The following PALM2AKAP2 variants were observed in gnomAD, a reference collection of about 807,000 sequenced individuals.
PALM2AKAP2 encodes the protein PALM2-AKAP2 fusion protein.
A neutral mutation model predicts 71.5 loss-of-function variants in PALM2AKAP2; 37 were observed. The ratio of observed to expected loss-of-function variants is 0.52; its 90% confidence interval spans 0.40 to 0.68. The LOEUF (loss-of-function observed/expected upper bound fraction) is 0.68. Ranked by LOEUF, PALM2AKAP2 falls within the 30% of genes least tolerant of loss-of-function variation. The pLI is 0.00. For synonymous variants in PALM2AKAP2, 468 were observed against 478.8 expected, an observed-to-expected ratio of 0.98 and a Z score of 0.29; for missense variants, 1,224 against 1,191.8, an observed-to-expected ratio of 1.03 and a Z score of -0.40.
chr9:109,784,636 G>C (rs1312759502), intron 1 of PALM2AKAP2, among the ~76,000 whole-genome samples: 1 of 152,246 alleles, frequency 6.6e-6, no homozygotes, highest in Non-Finnish European at 1.5e-5. Context: ...AGGCACTACA[G>C]TATTACTCAT....
intron 6 of PALM2AKAP2, among the ~76,000 whole-genome samples, chr9:109,999,731 G>A (rs78964651): frequency 0.018 from 2,818 of 152,346 alleles, 98 homozygotes; most frequent in African/African-American, 0.065. Context: ...ACACATGTCA[G>A]GGCTCTCCCT....
At chr9:109,983,434 A>C (rs1480970691) in intron 6 of PALM2AKAP2, among the ~76,000 whole-genome samples, 6 of 143,206 alleles carry the variant, frequency 4.2e-5, no homozygotes, top group Admixed American at 6.9e-5. Flanking sequence ...TTCTCACCCC[A>C]CTCCTCCTTT....
chr9:110,170,247 T>C (rs1447964584), exon 4 of PALM2AKAP2: 18 of 152,616 alleles, frequency 1.2e-4, no homozygotes, highest in Admixed American at 1.2e-3. Context: ...TTTTCCTTTG[T>C]TTTAAAACTG....
intron 1 of PALM2AKAP2, among the ~76,000 whole-genome samples, chr9:109,690,589 T>A (rs1827867746): frequency 6.6e-6 from 1 of 152,352 alleles, no homozygotes; most frequent in Non-Finnish European, 1.5e-5. Context: ...AGATATGCAA[T>A]TGTAATTGAT....
At chr9:109,860,017 C>G (rs993732905) in intron 1 of PALM2AKAP2, among the ~76,000 whole-genome samples, 5 of 152,178 alleles carry the variant, frequency 3.3e-5, no homozygotes, top group African/African-American at 1.2e-4. Flanking sequence ...ACATAGGAAG[C>G]CTGAATAGAA....
At chr9:109,816,091 G>C (rs1827844326) in intron 1 of PALM2AKAP2, among the ~76,000 whole-genome samples, 2 of 152,176 alleles carry the variant, frequency 1.3e-5, no homozygotes, top group African/African-American at 4.8e-5. Context: ...AGTTGACAAG[G>C]AACATGTACA....
chr9:110,013,371 T>C (rs1317253173), intron 6 of PALM2AKAP2, among the ~76,000 whole-genome samples: 3 of 152,212 alleles, frequency 2.0e-5, no homozygotes, highest in African/African-American at 7.2e-5. Context: ...ATCATCTGAT[T>C]GTCCATCATG....
Position 109,836,284 on chromosome 9 carries a change from T to C in PALM2AKAP2, c.46-31207T>C, listed in dbSNP as rs566308187. Among the ~76,000 whole-genome samples the C allele has an allele frequency of 6.6e-5, 10 of 152,322 alleles. No individual in the cohort carries two copies. In the East Asian group the frequency reaches 1.7e-3, roughly 26 times the overall value. The stretch of plus-strand genomic sequence containing the variant: ...AGGCAAACAGGGTCTGGAATGGACC[T>C]CCAGCAAACTCCAACAGACCTGCAG... On this transcript the variant is annotated intron_variant, in intron 1 of 9. Coordinates refer to the PALM2AKAP2 transcript ENST00000302798.
chr9:110,002,219 C>G lies in PALM2AKAP2; in HGVS notation c.497-13735C>G, dbSNP rs11562323. Among the ~76,000 whole-genome samples, 581 of 151,800 alleles carry G rather than the reference C, an allele frequency of 3.8e-3. 7 individuals are homozygous for G. The highest frequency in any genetic ancestry group is 0.024 in the East Asian group (126 of 5,188). ...TACCCAATTTATTGAGAGTTTTTAG[C>G]ATGAAGGTTGTTGAATTTTGTCAAA... is the stretch of plus-strand genomic sequence containing the variant. On this transcript the variant is annotated intron_variant, in intron 6 of 9. Coordinates refer to the PALM2AKAP2 transcript ENST00000302798.
chr9:109,650,907 TTA>T (rs1827216038), intron 1 of PALM2AKAP2, among the ~76,000 whole-genome samples: 1 of 152,240 alleles, frequency 6.6e-6, no homozygotes, highest in Non-Finnish European at 1.5e-5. Context: ...TCTGTTGTTA[TTA>T]TATATCTTTA....
intron 1 of PALM2AKAP2, among the ~76,000 whole-genome samples, chr9:109,767,436 C>G (rs1340437913): frequency 1.3e-5 from 2 of 152,234 alleles, no homozygotes; most frequent in Non-Finnish European, 2.9e-5. Context: ...CCATCTACCC[C>G]TACCACACCA....
intron 1 of PALM2AKAP2, chr9:109,866,954 T>C (rs1169126354): frequency 9.0e-6 from 4 of 446,230 alleles, no homozygotes; most frequent in African/African-American, 2.0e-5. Flanking sequence ...TTCATTTGCA[T>C]TGTTTGGTAT....
At chr9:109,745,170 G>A (rs1204141277) in intron 1 of PALM2AKAP2, among the ~76,000 whole-genome samples, 3 of 152,214 alleles carry the variant, frequency 2.0e-5, no homozygotes, top group East Asian at 3.9e-4. Flanking sequence ...CATGACCAGC[G>A]ATAGGTATGG....
intron 2 of PALM2AKAP2, among the ~76,000 whole-genome samples, chr9:109,871,707 G>A (rs1409370992): frequency 2.0e-5 from 3 of 152,070 alleles, no homozygotes; most frequent in East Asian, 1.9e-4. Flanking sequence ...ATTAACATTA[G>A]CATTGGAATA....
At chr9:109,678,466 C>T (rs1484327442) in intron 1 of PALM2AKAP2, among the ~76,000 whole-genome samples, 1 of 152,180 alleles carries the variant, frequency 6.6e-6, no homozygotes, top group Non-Finnish European at 1.5e-5. Flanking sequence ...TAAAAATTGT[C>T]TCAATTTCAA....
chr9:109,726,632 C>CAT (rs1302160096), intron 1 of PALM2AKAP2, among the ~76,000 whole-genome samples: 1 of 152,062 alleles, frequency 6.6e-6, no homozygotes, highest in African/African-American at 2.4e-5. Flanking sequence ...TTGGTACTGC[C>CAT]ATATATATGT....
At chr9:109,945,580 AT>A (rs1831484082) in intron 6 of PALM2AKAP2, 1 of 152,198 alleles carries the variant, frequency 6.6e-6, no homozygotes, top group Non-Finnish European at 1.5e-5. Flanking sequence ...GTCTTGGACA[AT>A]CTGTTATTTT....
chr9:109,731,825 A>G (rs1407076875), intron 1 of PALM2AKAP2, among the ~76,000 whole-genome samples: 1 of 152,176 alleles, frequency 6.6e-6, no homozygotes, highest in Non-Finnish European at 1.5e-5. Flanking sequence ...GTTAATATTC[A>G]TATGTGTGGC....
At chr9:109,780,494 A>C (rs1418210246) in exon 1 of PALM2AKAP2, 3 of 1,613,418 alleles carry the variant, frequency 1.9e-6, no homozygotes, top group Non-Finnish European at 1.7e-6. Context: ...CCAGGATGGC[A>C]GAGGCGGAAT....
Sources: gnomAD v4.1 joint callset for allele counts (sites outside exome capture counted in the v4.1 genomes callset) on GRCh38, gnomAD v4.1.1 for gene constraint, MANE v1.5 for transcripts, NCBI Gene and HGNC (gene_info 2026-07-23, HGNC 2026-07-21) for gene names.